KIAA1671: variants seen among roughly 807,000 people sequenced by gnomAD.
KIAA1671 encodes KIAA1671.
Under a neutral mutation model 131.2 loss-of-function variants are expected in KIAA1671, and 52 were observed. The ratio of observed to expected loss-of-function variants is 0.40; its 90% CI spans 0.32 to 0.50. KIAA1671 has a LOEUF of 0.50. Among genes scored for constraint, KIAA1671 ranks in the 20% least tolerant of loss-of-function variants. The pLI is 0.73. For missense variants in KIAA1671, 2,360 were observed against 2,364.2 expected, an observed-to-expected ratio of 1.00 and a Z score of 0.04; for synonymous variants, 1,003 against 961.6, an observed-to-expected ratio of 1.04 and a Z score of -0.80.
chr22:25,111,696 T>C (rs1049246783), intron 6 of KIAA1671: 1 of 152,692 alleles, frequency 6.5e-6, no homozygotes, highest in Non-Finnish European at 1.5e-5. Flanking sequence ...CCTCCCAGGG[T>C]GCACCTCAGG....
Position 24,952,834 on chromosome 22 carries a change from C to A in KIAA1671, c.-208+62C>A, listed in dbSNP as rs1339127421. ...CTGGCCGCCTCCTGTCCCCGGCCGA[C>A]GAGGTAGCTGGGGGTGACGGCGGCT... On this transcript the variant is annotated intron_variant, in intron 1 of 12. Transcript: ENST00000358431. This position sits in a 1 kb window ranked among gnomAD's most constrained non-coding sequence, Gnocchi z 4.5. The A allele has an allele frequency of 1.3e-5, 2 of 152,242 alleles. No individual in the cohort carries two copies. Among genetic ancestry groups the A allele is most frequent in the African/African-American group, 4.8e-5 (2 of 41,442 alleles). The allele number at this position is 152,242 out of a possible 1,614,324, so 9.4% of individuals were successfully genotyped here.
intron 6 of KIAA1671, among the ~76,000 whole-genome samples, chr22:25,134,827 T>C (rs1180311202): frequency 1.3e-5 from 2 of 152,146 alleles, no homozygotes; most frequent in African/African-American, 2.4e-5. Flanking sequence ...CTCCTTAACT[T>C]CTCTGAACCT....
chr22:25,154,413 G>A (rs992226277), intron 6 of KIAA1671, among the ~76,000 whole-genome samples: 1 of 152,220 alleles, frequency 6.6e-6, no homozygotes, highest in African/African-American at 2.4e-5. Flanking sequence ...GCAGGAGCTC[G>A]TTCTGTCCTG....
intron 1 of KIAA1671, among the ~76,000 whole-genome samples, chr22:24,980,278 T>TG (rs1265493396): frequency 6.6e-6 from 1 of 150,812 alleles, no homozygotes; most frequent in Non-Finnish European, 1.5e-5. Flanking sequence ...TGATTTTTTT[T>TG]TTTTTTTTTT....
At chr22:25,117,875 T>A (rs1427845305) in intron 6 of KIAA1671, among the ~76,000 whole-genome samples, 1 of 151,866 alleles carries the variant, frequency 6.6e-6, no homozygotes, top group Non-Finnish European at 1.5e-5. Context: ...GTGTGGTGAC[T>A]CACCTGTAAT....
At chr22:24,995,141 C>T (rs1351326692) in intron 1 of KIAA1671, among the ~76,000 whole-genome samples, 1 of 151,462 alleles carries the variant, frequency 6.6e-6, no homozygotes, top group Non-Finnish European at 1.5e-5. Context: ...AGCTCCGCCT[C>T]CCGGGTTCAC....
intron 6 of KIAA1671, among the ~76,000 whole-genome samples, chr22:25,131,601 C>T (rs1424181412): frequency 1.3e-5 from 2 of 152,252 alleles, no homozygotes; most frequent in African/African-American, 4.8e-5. Flanking sequence ...AGCCATTCAA[C>T]ACTGGGGGCC....
intron 1 of KIAA1671, among the ~76,000 whole-genome samples, chr22:24,979,133 T>G (rs889570097): frequency 3.3e-5 from 5 of 149,474 alleles, no homozygotes. Flanking sequence ...GTAGCTGGGA[T>G]TACAGGCGCA....
At chr22:25,112,289 G>A in intron 6 of KIAA1671, 1 of 398,986 alleles carries the variant, frequency 2.5e-6, no homozygotes, top group Non-Finnish European at 4.4e-6. Flanking sequence ...CACCACGGTG[G>A]GCCACGAACG....
At position 25,170,828 on chromosome 22, in the gene KIAA1671, G is replaced by A; in HGVS notation, c.4539G>A (p.Leu1513=). The A allele has an allele frequency of 6.4e-7, 1 of 1,551,720 alleles. No individual in the cohort carries two copies. The highest frequency in any genetic ancestry group is 8.7e-7 in the Non-Finnish European group (1 of 1,146,994). ...CTGGCTTGTCTTTGCAGGACCAGCT[G>A]AAGCAGTGTTTCTCCCGGCAGCCCA... The part of the protein sequence containing the change: ...DRRSGPFVDQ[L]KQCFSRQPTE... The change falls in exon 7 of 13, where the codon CTG becomes CTA. Residue 1513 remains leucine (L), a synonymous_variant. Transcript: ENST00000358431.
At chr22:25,036,474 C>A (rs1049194039) in intron 4 of KIAA1671, among the ~76,000 whole-genome samples, 1 of 151,922 alleles carries the variant, frequency 6.6e-6, no homozygotes, top group African/African-American at 2.4e-5. Context: ...GTGAAATTTA[C>A]AAAATTTACA....
intron 1 of KIAA1671, among the ~76,000 whole-genome samples, chr22:24,969,034 G>A (rs144172797): frequency 0.021 from 3,189 of 152,098 alleles, 113 homozygotes; most frequent in African/African-American, 0.071. Context: ...TGAGTAGCTG[G>A]GACTACAGGT....
intron 5 of KIAA1671, among the ~76,000 whole-genome samples, chr22:25,044,484 A>G (rs974315126): frequency 1.3e-5 from 2 of 152,128 alleles, no homozygotes; most frequent in African/African-American, 2.4e-5. Flanking sequence ...TCTGTCCCGC[A>G]GCCCAGCCTT....
intron 1 of KIAA1671, among the ~76,000 whole-genome samples, chr22:25,008,349 T>C (rs569639636): frequency 6.6e-6 from 1 of 152,222 alleles, no homozygotes; most frequent in African/African-American, 2.4e-5. Flanking sequence ...CACTATGTGG[T>C]TGACCTCTGT....
At chr22:24,964,522 A>G (rs1289821146) in intron 1 of KIAA1671, among the ~76,000 whole-genome samples, 1 of 151,984 alleles carries the variant, frequency 6.6e-6, no homozygotes, top group Non-Finnish European at 1.5e-5. Context: ...CCCAGGCTCA[A>G]GTGATTCTCT....
intron 6 of KIAA1671, among the ~76,000 whole-genome samples, chr22:25,162,640 C>G (rs1461768378): frequency 6.6e-6 from 1 of 152,200 alleles, no homozygotes; most frequent in Admixed American, 6.5e-5. Flanking sequence ...AGGTGTTGTT[C>G]TAAGTGCTGG....
At chr22:25,037,096 G>A (rs1335826233) in intron 4 of KIAA1671, among the ~76,000 whole-genome samples, 1 of 152,112 alleles carries the variant, frequency 6.6e-6, no homozygotes, top group Non-Finnish European at 1.5e-5. Flanking sequence ...GCTGAGGCAG[G>A]TGGATCACTT....
chr22:25,187,363 C>G (rs947563884), intron 11 of KIAA1671, among the ~76,000 whole-genome samples: 3 of 152,180 alleles, frequency 2.0e-5, no homozygotes, highest in Non-Finnish European at 2.9e-5. Flanking sequence ...CTTCCATTTT[C>G]TTTTTCTTTG....
At chr22:24,960,188 C>T (rs1011316168) in intron 1 of KIAA1671, among the ~76,000 whole-genome samples, 4 of 151,588 alleles carry the variant, frequency 2.6e-5, no homozygotes, top group African/African-American at 9.7e-5. Flanking sequence ...AATAATTTCA[C>T]ACGTGAATTA....
Sources: allele counts gnomAD v4.1 joint callset (sites outside exome capture counted in the v4.1 genomes callset), GRCh38; gene constraint gnomAD v4.1.1; non-coding constraint Gnocchi (gnomAD v3.1); transcripts MANE v1.5; gene names NCBI Gene and HGNC (gene_info 2026-07-23, HGNC 2026-07-21).